Variants in WDPCP observed in about 807,000 individuals in gnomAD.
WDPCP encodes the protein WD repeat-containing and planar cell polarity effector protein fritz homolog.
A neutral mutation model predicts 93.1 loss-of-function variants in WDPCP; 71 were observed. The observed-to-expected ratio is 0.76, with a 90% CI of 0.63 to 0.93. The LOEUF (loss-of-function observed/expected upper bound fraction) is 0.93, where lower values mean the gene tolerates loss of function less well. WDPCP is among the 40% of genes least tolerant of loss of function. The probability of loss-of-function intolerance (pLI) is 0.00; values close to 1 mark genes in which losing one functional copy is unlikely to be tolerated. For synonymous variants in WDPCP, 315 were observed against 315.0 expected (o/e 1.00, Z 0.00); for missense variants, 844 against 887.4 (o/e 0.95, Z 0.62).
chr2:63,460,695 C>G (rs1474219210), intron 6 of WDPCP, among the ~76,000 whole-genome samples: 1 of 152,054 alleles, frequency 6.6e-6, no homozygotes, highest in African/African-American at 2.4e-5. Flanking sequence ...TGCTCGATCT[C>G]GGCTCACTGC....
intron 2 of WDPCP, among the ~76,000 whole-genome samples, chr2:63,790,760 C>T (rs144045369): frequency 6.6e-6 from 1 of 152,098 alleles, no homozygotes; most frequent in Admixed American, 6.5e-5. Flanking sequence ...CAAAAGAGAA[C>T]ATGTAAATAA....
intron 2 of WDPCP, among the ~76,000 whole-genome samples, chr2:63,769,325 A>T (rs1670191712): frequency 6.6e-6 from 1 of 152,004 alleles, no homozygotes; most frequent in Non-Finnish European, 1.5e-5. Context: ...GTGGGTAGGA[A>T]ATTCCAATAA....
At chr2:63,686,381 C>G (rs934428164) in intron 2 of WDPCP, among the ~76,000 whole-genome samples, 2 of 151,794 alleles carry the variant, frequency 1.3e-5, no homozygotes, top group African/African-American at 4.8e-5. Flanking sequence ...TTTACTTAAC[C>G]AAAAAAGGGA....
intron 6 of WDPCP, among the ~76,000 whole-genome samples, chr2:63,481,089 G>A (rs757333520): frequency 6.6e-6 from 1 of 151,924 alleles, no homozygotes; most frequent in South Asian, 2.1e-4. Flanking sequence ...GACATGAATG[G>A]ACAATTTTCA....
chr2:63,255,233 G>A (rs1040672004), intron 14 of WDPCP, among the ~76,000 whole-genome samples: 11 of 152,118 alleles, frequency 7.2e-5, no homozygotes, highest in Non-Finnish European at 1.0e-4. Context: ...AAATAATGCC[G>A]GTCACAACTT....
chr2:63,545,085 T>G (rs937874722), intron 1 of WDPCP, among the ~76,000 whole-genome samples: 1 of 152,022 alleles, frequency 6.6e-6, no homozygotes, highest in Non-Finnish European at 1.5e-5. Flanking sequence ...TTCCAAAGAC[T>G]TTATGATCCA....
At chr2:63,463,285 T>C (rs1244415024) in intron 6 of WDPCP, among the ~76,000 whole-genome samples, 1 of 152,030 alleles carries the variant, frequency 6.6e-6, no homozygotes, top group Non-Finnish European at 1.5e-5. Flanking sequence ...AGTGGAAGAT[T>C]TGGCTGTGTA....
intron 6 of WDPCP, among the ~76,000 whole-genome samples, chr2:63,471,299 C>A (rs755013128): frequency 2.0e-5 from 3 of 152,172 alleles, no homozygotes; most frequent in Non-Finnish European, 4.4e-5. Context: ...CTTTCTGGAT[C>A]ATATCTCAGA....
At chr2:63,212,824 T>C (rs1261931803) in intron 14 of WDPCP, among the ~76,000 whole-genome samples, 3 of 148,692 alleles carry the variant, frequency 2.0e-5, no homozygotes, top group Non-Finnish European at 3.0e-5. Context: ...GTTGCAATCC[T>C]AGTCTCTGAT....
chr2:63,762,301 C>T (rs1317604011), intron 2 of WDPCP, among the ~76,000 whole-genome samples: 2 of 151,966 alleles, frequency 1.3e-5, no homozygotes, highest in African/African-American at 4.8e-5. Context: ...TTTCTGTGGC[C>T]CTTTGATCAT....
intron 1 of WDPCP, among the ~76,000 whole-genome samples, chr2:63,533,888 A>G (rs199642932): frequency 1.4e-4 from 1 of 7,224 alleles, no homozygotes; most frequent in East Asian, 0.25. Context: ...ATAGAGACAC[A>G]AAAAAACCCT....
At chr2:63,758,514 C>T (rs1283867221) in intron 2 of WDPCP, among the ~76,000 whole-genome samples, 1 of 152,188 alleles carries the variant, frequency 6.6e-6, no homozygotes, top group Non-Finnish European at 1.5e-5. Flanking sequence ...TCTTGGCTTA[C>T]TGCAGCCTTG....
At position 63,404,533 on chromosome 2, in the gene WDPCP, C is replaced by T; in HGVS notation, c.950G>A (p.Cys317Tyr). ...SVDKEPMADS[C>Y]IYECIRNKIQ... is the part of the protein sequence containing the mutation. ...TTTATTCCGAATGCATTCATAGATG[C>T]AGCTGTCAGCCATGGGCTCTTTGTC... Residue 317 changes from cysteine to tyrosine, a missense_variant, in exon 10 of 18, where the codon TGC becomes TAC. Physicochemically the swap from Cys to Tyr is radical, Grantham distance 194. Coordinates refer to ENST00000272321, the MANE Select transcript of WDPCP (RefSeq NM_015910.7). 1.2e-6 allele frequency: 2 copies of T among 1,613,524 alleles called. No individual in the cohort carries two copies. Among genetic ancestry groups the T allele is most frequent in the Non-Finnish European group, 1.7e-6 (2 of 1,179,608 alleles).
At chr2:63,334,555 A>G (rs1688216172) in intron 12 of WDPCP, among the ~76,000 whole-genome samples, 1 of 152,176 alleles carries the variant, frequency 6.6e-6, no homozygotes, top group African/African-American at 2.4e-5. Flanking sequence ...GCCTCTCCAA[A>G]GGAGGCAATC....
At chr2:63,321,845 ATAAT>A (rs1414826659) in intron 12 of WDPCP, among the ~76,000 whole-genome samples, 2 of 152,214 alleles carry the variant, frequency 1.3e-5, no homozygotes, top group African/African-American at 4.8e-5. Flanking sequence ...TCAAGTATGT[ATAAT>A]TAATGTAATT....
At chr2:63,459,255 AAACAATC>A (rs930626064) in intron 6 of WDPCP, among the ~76,000 whole-genome samples, 2 of 152,224 alleles carry the variant, frequency 1.3e-5, no homozygotes, top group African/African-American at 4.8e-5. Flanking sequence ...ACAGCAAAAG[AAACAATC>A]AACAGAGTGA....
At chr2:63,537,189 A>G (rs1330203691) in intron 1 of WDPCP, among the ~76,000 whole-genome samples, 1 of 152,148 alleles carries the variant, frequency 6.6e-6, no homozygotes, top group Non-Finnish European at 1.5e-5. Flanking sequence ...CGCCTTTACT[A>G]CTGTTTCTTC....
chr2:63,804,344 C>T (rs1045429899), intron 2 of WDPCP, among the ~76,000 whole-genome samples: 33 of 151,668 alleles, frequency 2.2e-4, no homozygotes, highest in Admixed American at 1.3e-4. Context: ...CTGCGCCTCC[C>T]GGGTTCACGC....
intron 10 of WDPCP, among the ~76,000 whole-genome samples, chr2:63,394,689 A>G (rs1693567479): frequency 6.6e-6 from 1 of 152,204 alleles, no homozygotes; most frequent in African/African-American, 2.4e-5. Context: ...CATATACACC[A>G]TGGAATACTA....
Sources: allele counts gnomAD v4.1 joint callset (sites outside exome capture counted in the v4.1 genomes callset), GRCh38; gene constraint gnomAD v4.1.1; transcripts MANE v1.5; gene names NCBI Gene and HGNC (gene_info 2026-07-23, HGNC 2026-07-21).